Variants in CAST observed in about 807,000 individuals in gnomAD.
CAST encodes MIR583 host.
A neutral mutation model predicts 119.6 loss-of-function variants in CAST; 76 were observed. The observed-to-expected ratio is 0.64, with a 90% CI of 0.53 to 0.77. CAST has a LOEUF of 0.77. CAST is among the 30% of genes least tolerant of loss of function. CAST has a pLI of 0.00. For missense variants in CAST, 953 were observed against 946.5 expected (o/e 1.01, Z -0.09); for synonymous variants, 319 against 331.6 (o/e 0.96, Z 0.41).
intron 6 of CAST, 186 bp from the exon 7 acceptor site, chr5:96,728,967 G>A (rs1759894447): frequency 1.8e-6 from 1 of 540,864 alleles, no homozygotes; most frequent in Non-Finnish European, 3.3e-6. Context: ...ACTGCTGACA[G>A]GGTTACTATT....
chr5:96,502,766 C>T, the CAST span, among the ~76,000 whole-genome samples: 11 of 152,096 alleles, frequency 7.2e-5, no homozygotes, highest in African/African-American at 2.4e-4. Flanking sequence ...TACTTAGAAA[C>T]ATTTGCAAGC....
At chr5:96,229,981 T>C in the CAST span, among the ~76,000 whole-genome samples, 1 of 152,174 alleles carries the variant, frequency 6.6e-6, no homozygotes, top group Non-Finnish European at 1.5e-5. Context: ...ACCTTTGTTA[T>C]TTAGCTATTG....
At chr5:96,169,392 G>A in the CAST span, among the ~76,000 whole-genome samples, 476 of 152,274 alleles carry the variant, frequency 3.1e-3, 1 homozygote, top group Non-Finnish European at 5.4e-3. Flanking sequence ...ACAGAATAAT[G>A]GGTTGTGGAG....
At chr5:96,448,982 AAAC>A in the CAST span, among the ~76,000 whole-genome samples, 1 of 152,322 alleles carries the variant, frequency 6.6e-6, no homozygotes, top group East Asian at 1.9e-4. Flanking sequence ...TTATTATGAA[AAAC>A]AACAATTCTC....
the CAST span, among the ~76,000 whole-genome samples, chr5:96,419,447 C>T: frequency 2.0e-5 from 3 of 148,208 alleles, no homozygotes; most frequent in African/African-American, 7.4e-5. Flanking sequence ...CTCTCTCTCT[C>T]TATATATATA....
the CAST span, among the ~76,000 whole-genome samples, chr5:96,151,597 T>C: frequency 2.0e-5 from 3 of 152,182 alleles, no homozygotes; most frequent in Admixed American, 2.0e-4. Context: ...CCATATGTAA[T>C]GAATGAGCAG....
chr5:96,003,519 C>T, the CAST span, among the ~76,000 whole-genome samples: 1 of 123,238 alleles, frequency 8.1e-6, no homozygotes, highest in Non-Finnish European at 1.6e-5. Flanking sequence ...GCCTGGGCGA[C>T]AGAGCGAGAC....
At chr5:96,274,427 G>A in the CAST span, among the ~76,000 whole-genome samples, 1 of 152,082 alleles carries the variant, frequency 6.6e-6, no homozygotes, top group African/African-American at 2.4e-5. Context: ...ATAGTCCAGT[G>A]TCAATTCTGT....
At chr5:96,394,850 A>G in the CAST span, 2 of 1,613,518 alleles carry the variant, frequency 1.2e-6, no homozygotes, top group Admixed American at 1.7e-5. Context: ...TGCCAAGAAC[A>G]GAGCCACACA....
At chr5:96,465,758 T>C in the CAST span, among the ~76,000 whole-genome samples, 2 of 152,072 alleles carry the variant, frequency 1.3e-5, no homozygotes, top group African/African-American at 4.8e-5. Flanking sequence ...ACCATGAGGG[T>C]TTTTAAAAAT....
At chr5:96,371,608 T>G in the CAST span, among the ~76,000 whole-genome samples, 2 of 152,248 alleles carry the variant, frequency 1.3e-5, no homozygotes, top group Non-Finnish European at 2.9e-5. Context: ...TTTCACTCAC[T>G]GGACTGTAAA....
chr5:96,602,447 A>G (rs1747172808), intron 1 of CAST, among the ~76,000 whole-genome samples: 1 of 152,314 alleles, frequency 6.6e-6, no homozygotes. Context: ...TAAATATTAT[A>G]AAGGAACTAA....
chr5:96,548,065 C>G (rs1057171839), intron 1 of CAST, among the ~76,000 whole-genome samples: 3 of 152,208 alleles, frequency 2.0e-5, no homozygotes, highest in Non-Finnish European at 4.4e-5. Flanking sequence ...AGACAGGCCA[C>G]AGTGGCATTT....
chr5:96,534,733 GAGAGAGAGAA>G (rs1315170964), intron 1 of CAST, among the ~76,000 whole-genome samples: 1 of 10,660 alleles, frequency 9.4e-5, no homozygotes, highest in African/African-American at 2.6e-4. Flanking sequence ...GAGAGAGAGA[GAGAGAGAGAA>G]AGAAAGAAAG....
chr5:96,533,798 T>C (rs893364529), intron 1 of CAST, among the ~76,000 whole-genome samples: 5 of 152,226 alleles, frequency 3.3e-5, no homozygotes, highest in African/African-American at 1.2e-4. Context: ...GTGCATAAAC[T>C]ACAGTCTACT....
intron 19 of CAST, 55 bp from the exon 20 acceptor site, chr5:96,750,532 G>T: frequency 1.8e-6 from 2 of 1,128,736 alleles, no homozygotes. Context: ...CCATTACTCA[G>T]TCTTATTAAC....
chr5:96,516,913 T>C, the CAST span, among the ~76,000 whole-genome samples: 1 of 152,368 alleles, frequency 6.6e-6, no homozygotes, highest in Admixed American at 6.5e-5. Context: ...TGATTTTCTT[T>C]AACCCCTCAA....
the CAST span, among the ~76,000 whole-genome samples, chr5:96,202,607 A>G: frequency 1.3e-5 from 2 of 152,222 alleles, no homozygotes; most frequent in Non-Finnish European, 2.9e-5. Flanking sequence ...CAAAATTATT[A>G]TTGATTGGTG....
chr5:96,053,193 G>A, the CAST span, among the ~76,000 whole-genome samples: 1 of 152,162 alleles, frequency 6.6e-6, no homozygotes, highest in African/African-American at 2.4e-5. Flanking sequence ...CGAGGAGCCT[G>A]AAAAACTACT....
Sources: gnomAD v4.1 joint callset for allele counts (sites outside exome capture counted in the v4.1 genomes callset) on GRCh38, gnomAD v4.1.1 for gene constraint, MANE v1.5 for transcripts, NCBI Gene and HGNC (gene_info 2026-07-23, HGNC 2026-07-21) for gene names.